Variants in KCNMB2 observed in about 807,000 individuals in gnomAD.
KCNMB2 encodes the protein potassium calcium-activated channel subfamily M regulatory beta subunit 2.
A neutral mutation model predicts 24.5 loss-of-function variants in KCNMB2; 9 were observed. That is an observed-to-expected ratio of 0.37 (90% CI 0.22 to 0.64). The LOEUF (loss-of-function observed/expected upper bound fraction) is 0.64. Ranked by LOEUF, KCNMB2 falls within the 30% of genes least tolerant of loss-of-function variation. The probability of loss-of-function intolerance (pLI) is 0.63; values close to 1 mark genes in which losing one functional copy is unlikely to be tolerated. For missense variants in KCNMB2, 226 were observed against 284.3 expected, an observed-to-expected ratio of 0.79 and a Z score of 1.47; for synonymous variants, 109 against 104.4, an observed-to-expected ratio of 1.04 and a Z score of -0.27.
intron 1 of KCNMB2, among the ~76,000 whole-genome samples, chr3:178,752,133 T>C (rs1723871680): frequency 6.6e-6 from 1 of 152,218 alleles, no homozygotes; most frequent in African/African-American, 2.4e-5. Context: ...GCTACAAAGT[T>C]GAATTATTTT....
intron 1 of KCNMB2, among the ~76,000 whole-genome samples, chr3:178,549,907 CTT>C (rs1239624578): frequency 6.6e-6 from 1 of 152,072 alleles, no homozygotes; most frequent in East Asian, 1.9e-4. Context: ...CCAAATGTAA[CTT>C]ATAAAAAAGT....
intron 1 of KCNMB2, 49 bp from the exon 2 acceptor site, chr3:178,807,294 C>A (rs1344395525): frequency 5.5e-6 from 4 of 727,850 alleles, no homozygotes; most frequent in Admixed American, 2.4e-5. Flanking sequence ...AAGAGTCAAT[C>A]CACTGAGAGC....
At chr3:178,758,872 G>A (rs1198812650) in intron 1 of KCNMB2, among the ~76,000 whole-genome samples, 2 of 4,618 alleles carry the variant, frequency 4.3e-4, no homozygotes, top group Non-Finnish European at 6.9e-4. Flanking sequence ...TCTCCAAGAG[G>A]GATATATATA....
rs76940388 is a variant in KCNMB2, at chr3:178,621,966, C to T, written c.-68+85255C>T. Among the ~76,000 whole-genome samples, 1,094 of 152,208 alleles carry T rather than the reference C, an allele frequency of 7.2e-3. 13 individuals carry two copies. The highest frequency in any genetic ancestry group is 0.026 in the African/African-American group (1,060 of 41,534). On this transcript the variant is annotated intron_variant, in intron 1 of 4. Transcript: ENST00000452583. ...AATTGGGTTATGATCTTGCCTTTGC[C>T]ACTTACTAGCTGTGAAATCCCTCAA...
intron 1 of KCNMB2, among the ~76,000 whole-genome samples, chr3:178,730,210 A>T (rs1723098185): frequency 6.6e-6 from 1 of 152,188 alleles, no homozygotes; most frequent in African/African-American, 2.4e-5. Context: ...ACTACTAAAA[A>T]ATTTGTGCTT....
chr3:178,699,235 G>T (rs1238742867), intron 1 of KCNMB2, among the ~76,000 whole-genome samples: 1 of 152,246 alleles, frequency 6.6e-6, no homozygotes, highest in Admixed American at 6.5e-5. Context: ...AGGATCCATT[G>T]TTGTCTGCAC....
intron 1 of KCNMB2, among the ~76,000 whole-genome samples, chr3:178,543,556 A>C (rs1342622094): frequency 6.6e-6 from 1 of 152,244 alleles, no homozygotes; most frequent in Non-Finnish European, 1.5e-5. Context: ...TTGCTCAATA[A>C]AAATGTCACT....
intron 4 of KCNMB2, among the ~76,000 whole-genome samples, chr3:178,839,067 T>C (rs948602821): frequency 6.6e-6 from 1 of 152,076 alleles, no homozygotes; most frequent in Non-Finnish European, 1.5e-5. Context: ...AATCATTTGA[T>C]TACATAAGGG....
At chr3:178,777,193 T>C (rs1411111912) in intron 1 of KCNMB2, among the ~76,000 whole-genome samples, 1 of 152,110 alleles carries the variant, frequency 6.6e-6, no homozygotes, top group Admixed American at 6.6e-5. Context: ...CCCAGCACTT[T>C]GGCAGGTCAA....
chr3:178,718,430 T>A (rs970804999), intron 1 of KCNMB2, among the ~76,000 whole-genome samples: 1 of 152,182 alleles, frequency 6.6e-6, no homozygotes, highest in African/African-American at 2.4e-5. Context: ...CTCAAGGACA[T>A]AAACTTTTTC....
At chr3:178,679,216 A>G (rs1721183688) in intron 1 of KCNMB2, among the ~76,000 whole-genome samples, 2 of 152,074 alleles carry the variant, frequency 1.3e-5, no homozygotes, top group Non-Finnish European at 2.9e-5. Flanking sequence ...CTAAGGGCTC[A>G]ATTCTCAATT....
At chr3:178,784,031 T>C (rs1712991988) in intron 1 of KCNMB2, among the ~76,000 whole-genome samples, 1 of 152,222 alleles carries the variant, frequency 6.6e-6, no homozygotes, top group Admixed American at 6.5e-5. Context: ...CCGCTTTTAA[T>C]GAATGCTTCT....
rs993452757 is a variant in KCNMB2, at chr3:178,619,725, C to G, written c.-68+83014C>G. On this transcript the variant is annotated intron_variant, in intron 1 of 4. Coordinates refer to ENST00000452583, the MANE Select transcript of KCNMB2 (RefSeq NM_181361.3). ...AACCACATTTTGCTTCCAACCTTTT[C>G]CTTGACCCACGAAATTGCCAAAAAT... is the stretch of plus-strand genomic sequence containing the variant. Among the ~76,000 whole-genome samples the G allele has an allele frequency of 2.0e-5, 3 of 152,132 alleles. No homozygotes were observed. In the East Asian group the frequency reaches 5.8e-4, roughly 29 times the overall value.
At chr3:178,711,235 T>C (rs1722443376) in intron 1 of KCNMB2, among the ~76,000 whole-genome samples, 1 of 152,334 alleles carries the variant, frequency 6.6e-6, no homozygotes, top group Admixed American at 6.5e-5. Flanking sequence ...CACCATGCCA[T>C]ACTGCATTTA....
intron 1 of KCNMB2, among the ~76,000 whole-genome samples, chr3:178,548,437 A>G (rs1350836236): frequency 6.6e-6 from 1 of 152,090 alleles, no homozygotes; most frequent in Non-Finnish European, 1.5e-5. Flanking sequence ...AGACCCTCCA[A>G]TTTTTGATGG....
chr3:178,765,472 C>A (rs1356217158), intron 1 of KCNMB2, among the ~76,000 whole-genome samples: 1 of 152,152 alleles, frequency 6.6e-6, no homozygotes, highest in East Asian at 1.9e-4. Flanking sequence ...GAGCCTGAGG[C>A]CAGATTTTTA....
chr3:178,633,609 C>T (rs1719407743), intron 1 of KCNMB2, among the ~76,000 whole-genome samples: 1 of 152,204 alleles, frequency 6.6e-6, no homozygotes, highest in Non-Finnish European at 1.5e-5. Flanking sequence ...GGCACCTGTA[C>T]CTGCCCCAGG....
chr3:178,621,272 C>T (rs977039936), intron 1 of KCNMB2, among the ~76,000 whole-genome samples: 5 of 151,780 alleles, frequency 3.3e-5, no homozygotes, highest in African/African-American at 1.2e-4. Flanking sequence ...CTAATTCCTG[C>T]TCCTCTTATT....
intron 1 of KCNMB2, among the ~76,000 whole-genome samples, chr3:178,806,601 T>G (rs1055238006): frequency 3.3e-5 from 5 of 151,872 alleles, no homozygotes; most frequent in Non-Finnish European, 5.9e-5. Flanking sequence ...CTCAAGAAAA[T>G]TATTATTATG....
Sources: gnomAD v4.1 joint callset for allele counts (sites outside exome capture counted in the v4.1 genomes callset) on GRCh38, gnomAD v4.1.1 for gene constraint, MANE v1.5 for transcripts, NCBI Gene and HGNC (gene_info 2026-07-23, HGNC 2026-07-21) for gene names.